SLC5A1: variants seen among roughly 807,000 people sequenced by gnomAD.
SLC5A1 encodes the protein solute carrier family 5 member 1.
SLC5A1 carries 42 observed loss-of-function variants against 73.5 expected under a neutral mutation model. That is an observed-to-expected ratio of 0.57 (90% CI 0.45 to 0.74). SLC5A1 has a LOEUF of 0.74. SLC5A1 is among the 30% of genes least tolerant of loss of function. SLC5A1 has a pLI of 0.00. For synonymous variants in SLC5A1, 300 were observed against 317.4 expected, an observed-to-expected ratio of 0.95 and a Z score of 0.58; for missense variants, 634 against 855.4, an observed-to-expected ratio of 0.74 and a Z score of 3.23.
At chr22:32,085,184 T>C (rs1451133353) in intron 9 of SLC5A1, 149 bp downstream of exon 9, 4 of 961,772 alleles carry the variant, frequency 4.2e-6, no homozygotes, top group Non-Finnish European at 5.0e-6. Flanking sequence ...GGTGTGATCA[T>C]TGCTCACTGC....
chr22:32,102,272 A>G (rs201282849), intron 13 of SLC5A1, 35 bp downstream of exon 13: 5 of 1,458,230 alleles, frequency 3.4e-6, no homozygotes, highest in Non-Finnish European at 4.8e-6. Context: ...TCCTTGTTTC[A>G]TGTTCACACT....
rs752307170 is a variant in SLC5A1, at chr22:32,043,408, G to T, written c.127G>T (p.Gly43Ter). 6.2e-7 allele frequency: 1 copy of T among 1,613,806 alleles called. No individual in the cohort carries two copies. Among genetic ancestry groups the T allele is most frequent in the African/African-American group, 1.3e-5 (1 of 74,916 alleles). The change falls in exon 1 of 15, where the codon GGA (glycine) becomes TGA (stop). Residue 43 changes from glycine to a stop codon, truncating the protein, a stop_gained. Coordinates refer to ENST00000266088, the MANE Select transcript of SLC5A1 (RefSeq NM_000343.4). LOFTEE classifies it high-confidence loss of function. This position sits in a 1 kb window ranked among gnomAD's most constrained non-coding sequence, Gnocchi z 6.5. Reference sequence around the variant, plus strand: ...CTACTTCGTGGTAGTGATGGCCGTCGGACTGTGGGTATGCAGCGGGTTCTG... The same window carrying T: ...CTACTTCGTGGTAGTGATGGCCGTCTGACTGTGGGTATGCAGCGGGTTCTG... The part of the protein sequence containing the change: ...VIYFVVVMAV[G>*]LWAMFSTNRG...
chr22:32,073,802 G>A (rs779252944), intron 5 of SLC5A1, among the ~76,000 whole-genome samples: 10 of 152,138 alleles, frequency 6.6e-5, no homozygotes, highest in Non-Finnish European at 8.8e-5. Flanking sequence ...CAGATGATCC[G>A]CCCGCTTCGG....
intron 6 of SLC5A1, 22 bp downstream of exon 6, chr22:32,081,993 A>G: frequency 6.7e-7 from 1 of 1,492,454 alleles, no homozygotes; most frequent in Non-Finnish European, 9.4e-7. Context: ...CAAATAAACC[A>G]GCACCTCAAA....
In SLC5A1 at chr22:32,088,493, C is replaced by T. The variant is rs1020976728; in HGVS notation, c.1129+2166C>T. Among the ~76,000 whole-genome samples, 4 of 152,144 alleles carry T rather than the reference C, an allele frequency of 2.6e-5. No individual in the cohort carries two copies. The East Asian group carries it at 7.7e-4, about 29-fold the overall frequency. On this transcript the variant is annotated intron_variant, in intron 10 of 14. Transcript: ENST00000266088. ...CTGGGATTACAGGCACCTGCCACCA[C>T]GCCCAGCTAATTTTTTTGTATTTTT...
At chr22:32,045,192 C>T (rs2093935583) in intron 1 of SLC5A1, among the ~76,000 whole-genome samples, 1 of 152,228 alleles carries the variant, frequency 6.6e-6, no homozygotes, top group African/African-American at 2.4e-5. Flanking sequence ...CCGTCATCTG[C>T]TGGCTATACA....
At chr22:32,109,248 G>A (rs2094051883) in intron 14 of SLC5A1, among the ~76,000 whole-genome samples, 1 of 152,106 alleles carries the variant, frequency 6.6e-6, no homozygotes, top group Non-Finnish European at 1.5e-5. Flanking sequence ...CTGTGGTGCT[G>A]AAAACACAGT....
intron 3 of SLC5A1, 90 bp from the exon 4 acceptor site, chr22:32,067,877 A>T: frequency 1.5e-6 from 2 of 1,364,624 alleles, no homozygotes; most frequent in South Asian, 2.3e-5. Context: ...ATGCTGGGTA[A>T]TTTTTCTGCA....
intron 5 of SLC5A1, among the ~76,000 whole-genome samples, chr22:32,072,585 T>C (rs944097033): frequency 5.3e-5 from 8 of 152,254 alleles, no homozygotes; most frequent in Non-Finnish European, 1.0e-4. Context: ...CCTTTGACTT[T>C]TAAAAAATAT....
intron 3 of SLC5A1, among the ~76,000 whole-genome samples, chr22:32,067,359 TTTTAA>T (rs2093975366): frequency 6.8e-6 from 1 of 147,992 alleles, no homozygotes; most frequent in African/African-American, 2.4e-5. Context: ...TTATTATTTT[TTTTAA>T]AAAAATTTTT....
intron 1 of SLC5A1, among the ~76,000 whole-genome samples, chr22:32,045,185 T>C (rs1314047248): frequency 6.6e-6 from 1 of 152,196 alleles, no homozygotes; most frequent in Non-Finnish European, 1.5e-5. Context: ...TGTGAGCCCG[T>C]CATCTGCTGG....
chr22:32,044,271 G>A (rs932134351), intron 1 of SLC5A1, among the ~76,000 whole-genome samples: 2 of 152,138 alleles, frequency 1.3e-5, no homozygotes, highest in Non-Finnish European at 2.9e-5. Context: ...CCAGGAGTTC[G>A]AGATCAGCCT....
intron 5 of SLC5A1, among the ~76,000 whole-genome samples, chr22:32,079,164 G>A (rs2093995762): frequency 6.6e-6 from 1 of 152,090 alleles, no homozygotes; most frequent in East Asian, 1.9e-4. Context: ...AACCCTAGTG[G>A]GTTTGTTTGG....
At chr22:32,074,280 T>C (rs1603120978) in intron 5 of SLC5A1, among the ~76,000 whole-genome samples, 1 of 152,200 alleles carries the variant, frequency 6.6e-6, no homozygotes, top group East Asian at 1.9e-4. Context: ...CTGCCTTCTC[T>C]ATCACCTCAC....
At chr22:32,049,145 TAA>T (rs1429880643) in intron 1 of SLC5A1, among the ~76,000 whole-genome samples, 1 of 143,184 alleles carries the variant, frequency 7.0e-6, no homozygotes, top group African/African-American at 2.5e-5. Context: ...TATATATATA[TAA>T]TCTATATTAT....
intron 2 of SLC5A1, among the ~76,000 whole-genome samples, chr22:32,061,881 C>T (rs2149486375): frequency 6.6e-6 from 1 of 152,216 alleles, no homozygotes; most frequent in African/African-American, 2.4e-5. Flanking sequence ...AGAGATGGGG[C>T]TCAGGGCAGC....
At chr22:32,100,673 C>T (rs1311298669) in intron 12 of SLC5A1, among the ~76,000 whole-genome samples, 1 of 152,098 alleles carries the variant, frequency 6.6e-6, no homozygotes, top group Non-Finnish European at 1.5e-5. Flanking sequence ...GCCTCAGCCT[C>T]CAAAGTAGCG....
intron 5 of SLC5A1, among the ~76,000 whole-genome samples, chr22:32,079,830 T>G (rs1370501640): frequency 6.6e-6 from 1 of 152,188 alleles, no homozygotes; most frequent in Non-Finnish European, 1.5e-5. Context: ...AATGGCCCAG[T>G]GTGCAGAGTC....
chr22:32,082,205 G>T (rs1032530369), intron 6 of SLC5A1, among the ~76,000 whole-genome samples: 4 of 152,176 alleles, frequency 2.6e-5, no homozygotes, highest in Non-Finnish European at 4.4e-5. Context: ...TCACAGGAGT[G>T]CATGCAGAGC....
Sources: allele counts gnomAD v4.1 joint callset (sites outside exome capture counted in the v4.1 genomes callset), GRCh38; gene constraint gnomAD v4.1.1; non-coding constraint Gnocchi (gnomAD v3.1); transcripts MANE v1.5; gene names NCBI Gene and HGNC (gene_info 2026-07-23, HGNC 2026-07-21).